NME9: variants seen among roughly 807,000 people sequenced by gnomAD.
The protein encoded by NME9 is thioredoxin domain-containing protein 6.
A neutral mutation model predicts 44.4 loss-of-function variants in NME9; 48 were observed. That is an observed-to-expected ratio of 1.08 (90% CI 0.86 to 1.37). The LOEUF (loss-of-function observed/expected upper bound fraction) is 1.37. Ranked by LOEUF, NME9 falls within the 40% of genes most tolerant of loss-of-function variation. The pLI, the probability that NME9 is intolerant of heterozygous loss-of-function variation, is 0.00. For missense variants in NME9, 325 were observed against 405.2 expected (o/e 0.80, Z 1.70); for synonymous variants, 139 against 147.1 (o/e 0.94, Z 0.40).
At chr3:138,279,182 A>T (rs374651376) in intron 8 of NME9, among the ~76,000 whole-genome samples, 1 of 152,206 alleles carries the variant, frequency 6.6e-6, no homozygotes, top group East Asian at 1.9e-4. Flanking sequence ...AAAGGAAAAG[A>T]AATTATCTTC....
intron 2 of NME9, chr3:138,324,309 A>T (rs886407842): frequency 2.2e-5 from 8 of 365,506 alleles, no homozygotes; most frequent in Middle Eastern, 9.8e-4. Context: ...GTGGTGAGAC[A>T]CTCTGAGCCA....
intron 8 of NME9, among the ~76,000 whole-genome samples, chr3:138,293,092 A>G (rs1314326602): frequency 6.6e-6 from 1 of 152,180 alleles, no homozygotes; most frequent in African/African-American, 2.4e-5. Flanking sequence ...TCTGTAGAAC[A>G]CGTCACACTG....
chr3:138,280,244 GCAAAGAATCAGTTTTTGGTTTCATTGC>G (rs535720218), intron 8 of NME9, among the ~76,000 whole-genome samples: 10,659 of 151,766 alleles, frequency 0.07, 428 homozygotes, highest in Middle Eastern at 0.12. Context: ...CAGAGGTTTA[GCAAAGAATCAGTTTTTGGTTTCATTGC>G]CAAAGAATCA....
chr3:138,293,555 GGAA>G (rs1331813405), intron 8 of NME9, among the ~76,000 whole-genome samples: 2 of 151,842 alleles, frequency 1.3e-5, no homozygotes, highest in East Asian at 1.9e-4. Flanking sequence ...AAAGAAAAGA[GGAA>G]GAAGAACTAA....
At chr3:138,286,820 T>C (rs183854340) in intron 8 of NME9, among the ~76,000 whole-genome samples, 2 of 152,266 alleles carry the variant, frequency 1.3e-5, no homozygotes, top group East Asian at 3.9e-4. Flanking sequence ...TCCAAATGTG[T>C]TTCCCAGCCT....
In NME9 at chr3:138,329,508, C is replaced by G. The variant is rs1327772370; in HGVS notation, c.-173G>C. The G allele has an allele frequency of 7.0e-7, 1 of 1,436,080 alleles. No homozygotes were observed. Among genetic ancestry groups the G allele is most frequent in the Admixed American group, 2.8e-5 (1 of 35,962 alleles). 89.0% of individuals were successfully genotyped at this position (1,436,080 alleles called of 1,614,324 possible). A position where few individuals can be genotyped will look rare whatever the true frequency, so the allele number is the denominator to read the frequency against. The stretch of plus-strand genomic sequence containing the variant: ...TTCTAACTGGCGGCAAATCAGCACA[C>G]TGATACAAAGTGAACACCCCGCGAG... On this transcript the variant is annotated 5_prime_UTR_variant, in exon 1 of 11. Coordinates refer to ENST00000333911, the MANE Select transcript of NME9 (RefSeq NM_001349018.2).
intron 8 of NME9, among the ~76,000 whole-genome samples, chr3:138,283,697 GA>G (rs1349448399): frequency 6.6e-6 from 1 of 152,184 alleles, no homozygotes; most frequent in Non-Finnish European, 1.5e-5. Context: ...CTGGCTTTGA[GA>G]ATGGAACAGC....
At chr3:138,272,875 A>G in intron 8 of NME9, 1 of 1,199,882 alleles carries the variant, frequency 8.3e-7, no homozygotes, top group African/African-American at 1.6e-5. Context: ...CTGTCTCAAA[A>G]AAATAAAAAA....
chr3:138,269,622 T>C (rs886196550), intron 8 of NME9, among the ~76,000 whole-genome samples: 1 of 152,228 alleles, frequency 6.6e-6, no homozygotes, highest in Middle Eastern at 3.4e-3. Context: ...TATTACTTCA[T>C]AGAGTTCGTA....
At chr3:138,263,864 A>G (rs774400931) in intron 8 of NME9, 2 of 1,559,052 alleles carry the variant, frequency 1.3e-6, no homozygotes, top group South Asian at 2.2e-5. Flanking sequence ...TTTGCCATAT[A>G]TTTAACCTGT....
intron 8 of NME9, chr3:138,270,157 A>C: frequency 6.8e-7 from 1 of 1,474,934 alleles, no homozygotes; most frequent in Non-Finnish European, 9.5e-7. Flanking sequence ...TATATATATC[A>C]TAACTTACAA....
intron 2 of NME9, chr3:138,324,619 T>C (rs966654638): frequency 5.1e-6 from 3 of 592,460 alleles, no homozygotes; most frequent in Non-Finnish European, 6.4e-6. Context: ...AGAGGTTTTC[T>C]GTTACTTTTA....
At chr3:138,299,003 T>C (rs2108420304), downstream of NME9, among the ~76,000 whole-genome samples, 1 of 152,172 alleles carries the variant, frequency 6.6e-6, no homozygotes, top group Non-Finnish European at 1.5e-5. Flanking sequence ...TTCCCATAAC[T>C]ACCACAGGAA....
At chr3:138,315,951 T>C (rs1211843797) in intron 4 of NME9, among the ~76,000 whole-genome samples, 1 of 152,026 alleles carries the variant, frequency 6.6e-6, no homozygotes. Flanking sequence ...CCTGCCTCAG[T>C]CTCCTGAATA....
At chr3:138,319,618 G>C (rs773884637) in intron 2 of NME9, 37 bp from the exon 3 acceptor site, 1 of 1,090,114 alleles carries the variant, frequency 9.2e-7, no homozygotes, top group Non-Finnish European at 1.4e-6. Context: ...TTCAGTAGAC[G>C]CCAGTGCCCA....
chr3:138,310,746 C>T (rs1406083086), intron 6 of NME9, among the ~76,000 whole-genome samples: 1 of 152,016 alleles, frequency 6.6e-6, no homozygotes, highest in Non-Finnish European at 1.5e-5. Flanking sequence ...CCAAAATCTA[C>T]AGGATACAGT....
chr3:138,298,385 A>G (rs1158285969), downstream of NME9: 1 of 152,242 alleles, frequency 6.6e-6, no homozygotes, highest in Non-Finnish European at 1.5e-5. Flanking sequence ...GGCAACTTCT[A>G]AAAAGGAGTC....
chr3:138,303,717 G>A, intron 9 of NME9, 74 bp from the exon 10 acceptor site: 1 of 1,390,442 alleles, frequency 7.2e-7, no homozygotes, highest in Non-Finnish European at 1.0e-6. Context: ...CTGGCAACAT[G>A]ATCACCGACT....
chr3:138,324,734 A>AT, intron 2 of NME9, 139 bp downstream of exon 2: 2 of 548,790 alleles, frequency 3.6e-6, no homozygotes, highest in Non-Finnish European at 6.8e-6. Context: ...ACACACACAC[A>AT]CACACATCAC....
Sources: gnomAD v4.1 joint callset for allele counts (sites outside exome capture counted in the v4.1 genomes callset) on GRCh38, gnomAD v4.1.1 for gene constraint, MANE v1.5 for transcripts, NCBI Gene and HGNC (gene_info 2026-07-23, HGNC 2026-07-21) for gene names.